NCAM2: variants seen among roughly 807,000 people sequenced by gnomAD.
NCAM2 encodes N-CAM-2.
Under a neutral mutation model 98.1 loss-of-function variants are expected in NCAM2, and 30 were observed. The ratio of observed to expected loss-of-function variants is 0.31; its 90% CI spans 0.23 to 0.41. The LOEUF (loss-of-function observed/expected upper bound fraction) is 0.41. Among genes scored for constraint, NCAM2 ranks in the 10% least tolerant of loss-of-function variants. The probability of loss-of-function intolerance (pLI) is 1.00; values close to 1 mark genes in which losing one functional copy is unlikely to be tolerated. For synonymous variants in NCAM2, 368 were observed against 342.4 expected (o/e 1.07, Z -0.83); for missense variants, 867 against 1,005.8 (o/e 0.86, Z 1.87).
intron 12 of NCAM2, among the ~76,000 whole-genome samples, chr21:21,440,790 C>T (rs1979142537): frequency 1.3e-5 from 2 of 151,918 alleles, no homozygotes; most frequent in South Asian, 4.1e-4. Flanking sequence ...TGGAAAAGTT[C>T]ATATCATTTT....
chr21:21,422,919 AT>A (rs1293215048), intron 11 of NCAM2, among the ~76,000 whole-genome samples: 1 of 152,036 alleles, frequency 6.6e-6, no homozygotes, highest in Non-Finnish European at 1.5e-5. Flanking sequence ...CTTCCTTACA[AT>A]TTTCTACTTC....
At chr21:21,068,143 T>A (rs1388805912) in intron 1 of NCAM2, among the ~76,000 whole-genome samples, 1 of 145,120 alleles carries the variant, frequency 6.9e-6, no homozygotes, top group East Asian at 2.0e-4. Flanking sequence ...TTCTTTTTTT[T>A]TTTTTTTTTT....
chr21:21,024,572 A>C (rs1255424374), intron 1 of NCAM2, among the ~76,000 whole-genome samples: 1 of 152,174 alleles, frequency 6.6e-6, no homozygotes, highest in East Asian at 1.9e-4. Context: ...AGTAGAAAAA[A>C]ACTTTAAAAA....
intron 1 of NCAM2, among the ~76,000 whole-genome samples, chr21:21,016,616 G>A (rs145417402): frequency 6.6e-6 from 1 of 152,086 alleles, no homozygotes; most frequent in Non-Finnish European, 1.5e-5. Context: ...CTCTTGTTAA[G>A]TGTAAGAATG....
intron 1 of NCAM2, among the ~76,000 whole-genome samples, chr21:21,217,978 A>C (rs1284526596): frequency 6.6e-6 from 1 of 152,124 alleles, no homozygotes; most frequent in Non-Finnish European, 1.5e-5. Context: ...CAGCCATAGA[A>C]TCTCCAGAAT....
At chr21:21,441,640 G>A (rs1461187165) in intron 12 of NCAM2, among the ~76,000 whole-genome samples, 1 of 152,104 alleles carries the variant, frequency 6.6e-6, no homozygotes, top group Non-Finnish European at 1.5e-5. Context: ...ATATTGAGAA[G>A]GTTGGGAGAC....
At chr21:21,275,034 C>A (rs1407644981) in intron 1 of NCAM2, among the ~76,000 whole-genome samples, 1 of 152,040 alleles carries the variant, frequency 6.6e-6, no homozygotes, top group African/African-American at 2.4e-5. Context: ...TTTTGAATAT[C>A]TGTTTGCTCT....
chr21:21,041,439 CTTT>C (rs2064902616), intron 1 of NCAM2, among the ~76,000 whole-genome samples: 2 of 152,116 alleles, frequency 1.3e-5, no homozygotes, highest in South Asian at 4.1e-4. Flanking sequence ...TCTTTAACTT[CTTT>C]GAGAGTGATT....
intron 1 of NCAM2, among the ~76,000 whole-genome samples, chr21:21,068,985 A>G (rs1227571191): frequency 4.6e-5 from 7 of 152,150 alleles, no homozygotes; most frequent in African/African-American, 7.2e-5. Context: ...TGCTAAGTTG[A>G]TACTTTCTAG....
chr21:21,463,398 T>C (rs1028465482), intron 12 of NCAM2, among the ~76,000 whole-genome samples: 5 of 152,136 alleles, frequency 3.3e-5, no homozygotes, highest in Non-Finnish European at 5.9e-5. Context: ...AAAACCTGCA[T>C]TCACGAATCA....
At chr21:21,417,948 G>T (rs2077026553) in intron 10 of NCAM2, among the ~76,000 whole-genome samples, 1 of 151,870 alleles carries the variant, frequency 6.6e-6, no homozygotes, top group South Asian at 2.1e-4. Flanking sequence ...CTCAAAACAG[G>T]GAGAGAAATA....
intron 8 of NCAM2, among the ~76,000 whole-genome samples, chr21:21,347,587 A>C (rs1008256081): frequency 1.1e-4 from 17 of 152,054 alleles, no homozygotes; most frequent in African/African-American, 3.9e-4. Context: ...AAGAAGAGCT[A>C]ATCCCAGTCC....
At chr21:21,171,677 TG>T (rs2146848501) in intron 1 of NCAM2, among the ~76,000 whole-genome samples, 1 of 152,280 alleles carries the variant, frequency 6.6e-6, no homozygotes, top group African/African-American at 2.4e-5. Context: ...AGTAGGCATC[TG>T]ACAAGATTGG....
intron 1 of NCAM2, among the ~76,000 whole-genome samples, chr21:21,010,161 A>G (rs77668805): frequency 0.015 from 2,219 of 152,150 alleles, 56 homozygotes; most frequent in African/African-American, 0.051. Context: ...TCTCCCTCCT[A>G]AAGTTTACAT....
At chr21:21,262,534 C>T (rs561013882) in intron 1 of NCAM2, among the ~76,000 whole-genome samples, 16 of 151,446 alleles carry the variant, frequency 1.1e-4, no homozygotes, top group East Asian at 1.9e-4. Context: ...AACCAATGGC[C>T]GACATCATAC....
chr21:21,146,562 T>C (rs1815011402), intron 1 of NCAM2, among the ~76,000 whole-genome samples: 2 of 148,008 alleles, frequency 1.4e-5, no homozygotes, highest in Admixed American at 1.4e-4. Context: ...TATATGTATA[T>C]ATATATATAT....
chr21:21,531,736 T>C (rs561352811), intron 16 of NCAM2, among the ~76,000 whole-genome samples: 2 of 152,002 alleles, frequency 1.3e-5, no homozygotes, highest in East Asian at 3.9e-4. Context: ...CAATAATGAT[T>C]CTGGTATTAC....
chr21:21,508,598 AAAG>A (rs1423693834), intron 15 of NCAM2, among the ~76,000 whole-genome samples: 1 of 151,920 alleles, frequency 6.6e-6, no homozygotes, highest in African/African-American at 2.4e-5. Flanking sequence ...AATAAAAAAA[AAAG>A]AAGTTTGAAA....
chr21:21,530,099 TTA>T (rs377022346), intron 16 of NCAM2, among the ~76,000 whole-genome samples: 29,704 of 125,826 alleles, frequency 0.24, 4,907 homozygotes, highest in Admixed American at 0.3. Context: ...TTTAATTTAA[TTA>T]TATATAATTT....
Sources: gnomAD v4.1 joint callset for allele counts (sites outside exome capture counted in the v4.1 genomes callset) on GRCh38, gnomAD v4.1.1 for gene constraint, MANE v1.5 for transcripts, NCBI Gene and HGNC (gene_info 2026-07-23, HGNC 2026-07-21) for gene names.